The following LRBA variants were observed in gnomAD, a reference collection of about 807,000 sequenced individuals.
LRBA encodes the protein lipopolysaccharide-responsive and beige-like anchor protein.
LRBA carries 176 observed loss-of-function variants against 330.0 expected under a neutral mutation model. The observed-to-expected ratio is 0.53, with a 90% CI of 0.47 to 0.60. LRBA has a LOEUF of 0.60. Among genes scored for constraint, LRBA ranks in the 20% least tolerant of loss-of-function variants. LRBA has a pLI of 0.00. For synonymous variants in LRBA, 1,230 were observed against 1,193.0 expected (o/e 1.03, Z -0.64); for missense variants, 3,259 against 3,444.8 (o/e 0.95, Z 1.35).
At chr4:150,487,476 G>C (rs1758016108) in intron 42 of LRBA, among the ~76,000 whole-genome samples, 1 of 151,120 alleles carries the variant, frequency 6.6e-6, no homozygotes, top group African/African-American at 2.4e-5. Context: ...CCCTATGCTA[G>C]GGAAAACAGT....
chr4:150,455,604 CATA>C (rs1753961727), intron 44 of LRBA, among the ~76,000 whole-genome samples: 1 of 152,086 alleles, frequency 6.6e-6, no homozygotes, highest in African/African-American at 2.4e-5. Flanking sequence ...GCAAGCAATG[CATA>C]ATAATACCAT....
chr4:150,826,325 G>A (rs1389626944), intron 30 of LRBA, among the ~76,000 whole-genome samples: 1 of 152,158 alleles, frequency 6.6e-6, no homozygotes, highest in African/African-American at 2.4e-5. Context: ...TTGGGATGGG[G>A]GGGAAGCCAC....
chr4:150,537,513 AC>A (rs1447585695), intron 40 of LRBA, among the ~76,000 whole-genome samples: 5 of 152,248 alleles, frequency 3.3e-5, no homozygotes, highest in Non-Finnish European at 7.3e-5. Flanking sequence ...GCTTCTGCAC[AC>A]CAAAAGAAAC....
rs544018565 is a variant in LRBA at position 150,952,970 on chromosome 4, C to A, written c.217-23905G>T. On this transcript the variant is annotated intron_variant, in intron 2 of 56. Coordinates refer to ENST00000651943, the MANE Select transcript of LRBA (RefSeq NM_001364905.1). ...TGACCCCTCATCTCCCTCCATCAAG[C>A]CCTTCGCCCATCTTGTCTTCCTCTA... is the stretch of plus-strand genomic sequence containing the variant. Among the ~76,000 whole-genome samples, 126 of 152,248 alleles carry A rather than the reference C, an allele frequency of 8.3e-4. 1 individual carries two copies. Among genetic ancestry groups the A allele is most frequent in the Middle Eastern group, 6.8e-3 (2 of 294 alleles).
At chr4:150,424,750 T>C (rs897127358) in intron 46 of LRBA, among the ~76,000 whole-genome samples, 4 of 152,200 alleles carry the variant, frequency 2.6e-5, no homozygotes, top group East Asian at 1.9e-4. Context: ...CACACAGACA[T>C]GGGAAGAACA....
At chr4:150,365,944 G>A (rs989599470) in intron 47 of LRBA, among the ~76,000 whole-genome samples, 6 of 151,870 alleles carry the variant, frequency 4.0e-5, no homozygotes, top group Admixed American at 1.3e-4. Flanking sequence ...GTAACTACCC[G>A]ATTGGTTCTA....
intron 40 of LRBA, among the ~76,000 whole-genome samples, chr4:150,559,841 TATATA>T (rs1430374478): frequency 6.7e-5 from 5 of 75,156 alleles, no homozygotes; most frequent in South Asian, 3.2e-4. Context: ...AAATATAATA[TATATA>T]ATAATATATA....
chr4:150,439,208 A>C (rs187886081), intron 44 of LRBA, among the ~76,000 whole-genome samples: 1 of 152,228 alleles, frequency 6.6e-6, no homozygotes, highest in South Asian at 2.1e-4. Context: ...CTGAAGCATA[A>C]TAAGTATTCA....
chr4:150,662,160 T>G (rs1176924722), intron 37 of LRBA, among the ~76,000 whole-genome samples: 1 of 152,208 alleles, frequency 6.6e-6, no homozygotes, highest in Non-Finnish European at 1.5e-5. Context: ...AATAATTATT[T>G]TCTTTTCACA....
At chr4:150,618,296 C>T (rs769079665) in intron 37 of LRBA, among the ~76,000 whole-genome samples, 72 of 152,166 alleles carry the variant, frequency 4.7e-4, no homozygotes, top group Non-Finnish European at 8.7e-4. Context: ...AGACCCTGCT[C>T]TCATATCACT....
intron 54 of LRBA, 36 bp downstream of exon 54, chr4:150,285,897 A>C: frequency 7.5e-7 from 1 of 1,336,552 alleles, no homozygotes; most frequent in South Asian, 1.5e-5. Flanking sequence ...AGACAGCAAG[A>C]AATGCATCCA....
chr4:150,467,010 T>C (rs1755526236), intron 44 of LRBA, among the ~76,000 whole-genome samples: 1 of 152,046 alleles, frequency 6.6e-6, no homozygotes, highest in South Asian at 2.1e-4. Flanking sequence ...CCAGAAAATG[T>C]AAGGGTTAAG....
chr4:150,660,520 G>A (rs530348377), intron 37 of LRBA, among the ~76,000 whole-genome samples: 41 of 151,412 alleles, frequency 2.7e-4, no homozygotes, highest in African/African-American at 8.4e-4. Flanking sequence ...CGCCCTGTCC[G>A]GGAGGTGAGG....
intron 4 of LRBA, among the ~76,000 whole-genome samples, chr4:150,924,098 A>T (rs1254649592): frequency 8.5e-6 from 1 of 117,080 alleles, no homozygotes; most frequent in Non-Finnish European, 2.2e-5. Flanking sequence ...ATCTAGAAAC[A>T]TCATTCCTCC....
At chr4:150,336,745 C>T (rs1309347244) in intron 48 of LRBA, among the ~76,000 whole-genome samples, 3 of 152,162 alleles carry the variant, frequency 2.0e-5, no homozygotes, top group African/African-American at 7.2e-5. Context: ...TAAACTGAGT[C>T]CCAACCCAGC....
At chr4:150,692,579 T>C (rs530165459) in intron 36 of LRBA, among the ~76,000 whole-genome samples, 10 of 152,206 alleles carry the variant, frequency 6.6e-5, no homozygotes, top group African/African-American at 2.4e-4. Flanking sequence ...AAAATGCTCA[T>C]ACCAAAAAAT....
chr4:151,002,195 G>GAA (rs1743433051), intron 2 of LRBA, among the ~76,000 whole-genome samples: 1 of 7,844 alleles, frequency 1.3e-4, no homozygotes, highest in Non-Finnish European at 3.3e-4. Flanking sequence ...ACATAAAACA[G>GAA]CAAAAAAAAA....
intron 35 of LRBA, among the ~76,000 whole-genome samples, chr4:150,756,476 T>C (rs1312428381): frequency 6.6e-6 from 1 of 152,140 alleles, no homozygotes; most frequent in Non-Finnish European, 1.5e-5. Flanking sequence ...CCTTTATTTA[T>C]CCAAATAAGA....
intron 35 of LRBA, among the ~76,000 whole-genome samples, chr4:150,755,677 GT>G (rs1477562543): frequency 6.6e-6 from 1 of 151,790 alleles, no homozygotes. Flanking sequence ...AACTATGCCG[GT>G]TTTTTTATTT....
Sources: gnomAD v4.1 joint callset for allele counts (sites outside exome capture counted in the v4.1 genomes callset) on GRCh38, gnomAD v4.1.1 for gene constraint, MANE v1.5 for transcripts, NCBI Gene and HGNC (gene_info 2026-07-23, HGNC 2026-07-21) for gene names.